The following SYNE2 variants were observed in gnomAD, a reference collection of about 807,000 sequenced individuals.
SYNE2 encodes the protein spectrin repeat containing nuclear envelope protein 2.
Under a neutral mutation model 856.3 loss-of-function variants are expected in SYNE2, and 431 were observed. The observed-to-expected ratio is 0.50, with a 90% confidence interval of 0.47 to 0.55. The LOEUF (loss-of-function observed/expected upper bound fraction) is 0.55, where lower values mean the gene tolerates loss of function less well. Among genes scored for constraint, SYNE2 ranks in the 20% least tolerant of loss-of-function variants. SYNE2 has a pLI of 0.00. For synonymous variants in SYNE2, 2,923 were observed against 2,872.3 expected, an observed-to-expected ratio of 1.02 and a Z score of -0.56; for missense variants, 8,129 against 8,023.2, an observed-to-expected ratio of 1.01 and a Z score of -0.50.
At chr14:63,829,322 C>T (rs974111382) in intron 1 of SYNE2, among the ~76,000 whole-genome samples, 3 of 151,820 alleles carry the variant, frequency 2.0e-5, no homozygotes, top group East Asian at 1.9e-4. Context: ...GAGGCTGAGG[C>T]GAGAGGATTG....
Position 64,070,354 on chromosome 14 carries a change from A to G in SYNE2, c.10432-291A>G, listed in dbSNP as rs1443397119. 2.6e-5 allele frequency among the ~76,000 whole-genome samples: 4 copies of G among 152,238 alleles called. No homozygotes were observed. The East Asian group carries it at 7.7e-4, about 29-fold the overall frequency. On this transcript the variant is annotated intron_variant, in intron 51 of 115. Transcript: ENST00000555002. ...CTTATCTCAGGAGAAATGTTGCTTT[A>G]TCCATCTGAAATCTGAAGGAGAAAT...
In SYNE2 at chr14:64,226,146, AATGCCCAATCTGT is replaced by A. The variant is rs2098717350; in HGVS notation, c.*624_*636del. On this transcript the variant is annotated 3_prime_UTR_variant, in exon 116 of 116. Coordinates refer to ENST00000555002, the MANE Select transcript of SYNE2 (RefSeq NM_182914.3). Reference sequence around the variant, plus strand: ...TGGTTATTTGTGCATATTTTTTAACAATGCCCAATCTGTATGAATAATGTAAACTTCGATTTTT... The same window carrying A: ...TGGTTATTTGTGCATATTTTTTAACAATGAATAATGTAAACTTCGATTTTT... The A allele has an allele frequency of 1.3e-5, 2 of 153,886 alleles. No homozygotes were observed. The highest frequency in any genetic ancestry group is 4.1e-4 in the South Asian group (2 of 4,868). The allele number at this position is 153,886 out of a possible 1,614,324, so 9.5% of individuals were successfully genotyped here. A position where few individuals can be genotyped will look rare whatever the true frequency, so the allele number is the denominator to read the frequency against.
intron 1 of SYNE2, among the ~76,000 whole-genome samples, chr14:63,809,780 C>T (rs1446701272): frequency 3.9e-5 from 6 of 152,172 alleles, no homozygotes; most frequent in Admixed American, 2.0e-4. Context: ...GGATTACAGA[C>T]ATGAGCCACC....
chr14:63,898,497 C>T (rs1468160467), intron 1 of SYNE2, among the ~76,000 whole-genome samples: 2 of 152,112 alleles, frequency 1.3e-5, no homozygotes, highest in Non-Finnish European at 2.9e-5. Context: ...CTCTGCCTCC[C>T]TGGCTCAAGC....
chr14:64,120,242 C>T (rs1343092188), intron 67 of SYNE2, among the ~76,000 whole-genome samples: 1 of 151,130 alleles, frequency 6.6e-6, no homozygotes, highest in Non-Finnish European at 1.5e-5. Flanking sequence ...CCCTTTCATC[C>T]TAATATGTTC....
At chr14:64,083,895 C>CAGTATTT (rs2097541418) in intron 57 of SYNE2, among the ~76,000 whole-genome samples, 1 of 152,008 alleles carries the variant, frequency 6.6e-6, no homozygotes, top group Non-Finnish European at 1.5e-5. Flanking sequence ...AACATACATT[C>CAGTATTT]ATAAAATGAC....
intron 43 of SYNE2, among the ~76,000 whole-genome samples, chr14:64,028,422 AT>A (rs1392120752): frequency 6.6e-6 from 1 of 151,732 alleles, no homozygotes; most frequent in Non-Finnish European, 1.5e-5. Context: ...CACCCAGCTA[AT>A]TTTTTTATTT....
chr14:64,215,384 T>A (rs1025862330), intron 107 of SYNE2, 30 bp downstream of exon 107: 36 of 1,609,860 alleles, frequency 2.2e-5, no homozygotes, highest in African/African-American at 4.0e-5. Context: ...TGTGTCAACA[T>A]GGCAGCATCC....
chr14:64,163,433 A>C lies in SYNE2; in HGVS notation c.16331A>C (p.Glu5444Ala). 1.2e-6 allele frequency: 2 copies of C among 1,614,132 alleles called. No individual in the cohort carries two copies. The highest frequency in any genetic ancestry group is 1.7e-6 in the Non-Finnish European group (2 of 1,180,032). Residue 5444 changes from glutamate (E) to alanine (A), a missense_variant, in exon 89 of 116, where the codon GAA becomes GCA. This residue lies in a region of SYNE2 where 5,410 missense variants were observed against 5,284.8 expected (regional missense o/e 1.02). Transcript: ENST00000555002. ...ELQHDVQKTK[E>A]AFLQNSSVLD... The stretch of plus-strand genomic sequence containing the variant: ...CAGCATGATGTGCAGAAAACAAAAG[A>C]AGCCTTTCTCCAAAATTCCAGTGTC...
At chr14:64,221,012 T>C (rs1218831240) in intron 111 of SYNE2, among the ~76,000 whole-genome samples, 1 of 152,160 alleles carries the variant, frequency 6.6e-6, no homozygotes, top group African/African-American at 2.4e-5. Context: ...AGCAAAGCAT[T>C]GAACCTCCTA....
intron 76 of SYNE2, 25 bp from the exon 77 acceptor site, chr14:64,132,240 T>C (rs1180165897): frequency 1.9e-6 from 3 of 1,611,908 alleles, no homozygotes; most frequent in Admixed American, 1.7e-5. Context: ...TCAAAGTAAA[T>C]ATTAAAACTT....
intron 18 of SYNE2, among the ~76,000 whole-genome samples, chr14:63,984,087 C>T (rs1331705189): frequency 6.6e-6 from 1 of 151,994 alleles, no homozygotes. Flanking sequence ...ACCAAAAATA[C>T]GAAAGATTAG....
chr14:63,991,148 A>G, intron 21 of SYNE2, 33 bp downstream of exon 21: 1 of 1,605,784 alleles, frequency 6.2e-7, no homozygotes. Context: ...AATGTAGGAC[A>G]TTATTGTTAA....
rs1354181183 is a variant in SYNE2, at chr14:64,174,109, T to A, written c.17236-835T>A. ...TTCCTTGAGACAAAGCGTCACTCTG[T>A]CACCCAGGCTGGAGTGCAGTGGTGT... On this transcript the variant is annotated intron_variant, in intron 94 of 115. Transcript: ENST00000555002. 2.1e-5 allele frequency: 10 copies of A among 484,090 alleles called. No homozygotes were observed. In the East Asian group the frequency reaches 3.0e-4, roughly 15 times the overall value. The allele number at this position is 484,090 out of a possible 1,614,324, so 30.0% of individuals were successfully genotyped here.
intron 106 of SYNE2, 23 bp downstream of exon 106, chr14:64,214,493 C>A (rs1389372444): frequency 1.9e-5 from 31 of 1,600,090 alleles, no homozygotes; most frequent in Non-Finnish European, 2.6e-5. Flanking sequence ...TTCCCAGCAC[C>A]CTGGAAAGTG....
intron 1 of SYNE2, among the ~76,000 whole-genome samples, chr14:63,840,395 TTCCTTTCC>T: frequency 6.8e-6 from 1 of 147,766 alleles, no homozygotes. Flanking sequence ...CTTCCTTTCT[TTCCTTTCC>T]TTCCTTCCTT....
chr14:64,025,323 G>C lies in SYNE2; in HGVS notation c.6154G>C (p.Asp2052His), dbSNP rs1358498209. The C allele has an allele frequency of 1.2e-6, 2 of 1,613,978 alleles. No homozygotes were observed. Among genetic ancestry groups the C allele is most frequent in the African/African-American group, 2.7e-5 (2 of 74,940 alleles). Residue 2052 changes from aspartate to histidine, a missense_variant, in exon 41 of 116, where the codon GAT (aspartate) becomes CAT (histidine). Physicochemically the swap from Asp to His is moderately conservative, Grantham distance 81. Around this residue, in one of 3 missense-constraint regions of SYNE2, gnomAD observed 2,422 missense variants for 2,357.4 expected, o/e 1.03. Transcript: ENST00000555002. ...EDQSFNDLAHDVIHWIKEIKE... is the reference protein window; with the variant it reads ...EDQSFNDLAHHVIHWIKEIKE... ...CCAGAGCTTTAATGATCTTGCACAT[G>C]ATGTAATTCATTGGATAAAAGAGAT...
rs377100573 is a variant in SYNE2 at position 64,053,547 on chromosome 14, A to G, written c.9634A>G (p.Ile3212Val). The change falls in exon 48 of 116, where the codon ATT (isoleucine) becomes GTT (valine). Residue 3212 changes from isoleucine (I) to valine (V), a missense_variant. Coordinates refer to ENST00000555002, the MANE Select transcript of SYNE2 (RefSeq NM_182914.3). ...EMCSIKAVTA[I>V]EKQREENSSE... ...GTGTAGTATTAAAGCTGTGACTGCT[A>G]TTGAGAAACAAAGAGAAGAAAACTC... is the stretch of plus-strand genomic sequence containing the variant. The G allele has an allele frequency of 1.4e-5, 22 of 1,614,120 alleles. No homozygotes were observed. Among genetic ancestry groups the G allele is most frequent in the East Asian group, 1.3e-4 (6 of 44,906 alleles).
At chr14:63,927,394 C>T (rs1201220047) in intron 2 of SYNE2, among the ~76,000 whole-genome samples, 1 of 152,052 alleles carries the variant, frequency 6.6e-6, no homozygotes, top group Non-Finnish European at 1.5e-5. Context: ...ATGGTTTGGC[C>T]ATGTCCCCAC....
Sources: allele counts gnomAD v4.1 joint callset (sites outside exome capture counted in the v4.1 genomes callset), GRCh38; gene constraint gnomAD v4.1.1; regional missense constraint gnomAD v4.1.1; transcripts MANE v1.5; gene names NCBI Gene and HGNC (gene_info 2026-07-23, HGNC 2026-07-21).